The following KCTD3 variants were observed in gnomAD, a reference collection of about 807,000 sequenced individuals.
The protein encoded by KCTD3 is potassium channel tetramerization domain containing 3.
In KCTD3, 41 loss-of-function variants were observed where a neutral mutation model predicts 85.8. That is an observed-to-expected ratio of 0.48 (90% CI 0.37 to 0.62). KCTD3 has a LOEUF of 0.62. Ranked by LOEUF, KCTD3 falls within the 20% of genes least tolerant of loss-of-function variation. The pLI, the probability that KCTD3 is intolerant of heterozygous loss-of-function variation, is 0.00. For missense variants in KCTD3, 724 were observed against 989.9 expected, an observed-to-expected ratio of 0.73 and a Z score of 3.60; for synonymous variants, 338 against 345.4, an observed-to-expected ratio of 0.98 and a Z score of 0.24.
chr1:215,614,018 GTTTT>G (rs577770912), intron 15 of KCTD3, among the ~76,000 whole-genome samples: 5 of 66,290 alleles, frequency 7.5e-5, no homozygotes, highest in African/African-American at 2.5e-4. Flanking sequence ...CTTTAGAATA[GTTTT>G]TTTTTTTTTT....
intron 9 of KCTD3, among the ~76,000 whole-genome samples, chr1:215,587,707 G>C (rs190726944): frequency 1.2e-4 from 19 of 152,120 alleles, no homozygotes; most frequent in Admixed American, 1.2e-3. Flanking sequence ...ATATGTAGTT[G>C]GAAAAAACTT....
intron 12 of KCTD3, among the ~76,000 whole-genome samples, chr1:215,603,546 A>G (rs1654910550): frequency 6.6e-6 from 1 of 152,218 alleles, no homozygotes; most frequent in African/African-American, 2.4e-5. Context: ...GGGTATGTTT[A>G]TTCCCTAGCA....
At chr1:215,592,555 C>G (rs1660264723) in intron 9 of KCTD3, among the ~76,000 whole-genome samples, 1 of 151,946 alleles carries the variant, frequency 6.6e-6, no homozygotes, top group South Asian at 2.1e-4. Flanking sequence ...TTTCCTTTTT[C>G]AAGTAGCTAT....
intron 11 of KCTD3, 64 bp downstream of exon 11, chr1:215,602,018 C>T: frequency 2.1e-6 from 3 of 1,398,436 alleles, no homozygotes; most frequent in Non-Finnish European, 3.0e-6. Flanking sequence ...AACAAGAAAA[C>T]ATTACCTTTC....
Position 215,619,065 on chromosome 1 carries a change from A to G in KCTD3, c.1742A>G (p.Asp581Gly), listed in dbSNP as rs753757515. The change falls in exon 16 of 18, where the codon GAT (aspartate) becomes GGT (glycine). Residue 581 changes from aspartate (D) to glycine (G), a missense_variant. Around this residue, in one of 6 missense-constraint regions of KCTD3, gnomAD observed 136 missense variants for 197.6 expected, o/e 0.69. Transcript: ENST00000259154. ...TAMDMVNKSEDKDVGGPTEEE... is the reference protein window; with the variant it reads ...TAMDMVNKSEGKDVGGPTEEE... ...ATGGATATGGTTAACAAAAGTGAAG[A>G]TAAGGGTAGGTTCTCATACAGAAAG... 12 of 1,611,672 alleles carry G rather than the reference A, an allele frequency of 7.4e-6. No individual in the cohort carries two copies. The Admixed American group carries it at 1.0e-4, about 14-fold the overall frequency.
At chr1:215,581,074 C>T (rs1368552008) in intron 8 of KCTD3, 1 of 392,886 alleles carries the variant, frequency 2.5e-6, no homozygotes, top group Non-Finnish European at 5.0e-6. Context: ...GGTGAAACCC[C>T]ATCTCTACTG....
chr1:215,620,431 G>A lies in KCTD3; in HGVS notation c.2261G>A (p.Arg754Lys). Residue 754 changes from arginine to lysine, a missense_variant, in exon 18 of 18, where the codon AGG (arginine) becomes AAG (lysine). Physicochemically the swap from Arg to Lys is conservative, Grantham distance 26 (BLOSUM62 2). This residue lies in a region of KCTD3 where 222 missense variants were observed against 217.7 expected (regional missense o/e 1.02). Transcript: ENST00000259154. ...EDENENKIEF[R>K]KKGGFEGGGF... ...GAAAATGAAAATAAAATAGAGTTTAGGAAGAAAGGAGGATTTGAAGGGGGA... is the reference window on the plus strand; with the variant it reads ...GAAAATGAAAATAAAATAGAGTTTAAGAAGAAAGGAGGATTTGAAGGGGGA... 2 of 1,613,610 alleles carry A rather than the reference G, an allele frequency of 1.2e-6. No homozygotes were observed. The highest frequency in any genetic ancestry group is 1.7e-6 in the Non-Finnish European group (2 of 1,179,716).
At chr1:215,568,417 C>T (rs1217974027) in intron 1 of KCTD3, among the ~76,000 whole-genome samples, 1 of 145,800 alleles carries the variant, frequency 6.9e-6, no homozygotes. Flanking sequence ...TGGATATTGG[C>T]ACGGTGTGAC....
intron 15 of KCTD3, among the ~76,000 whole-genome samples, chr1:215,617,297 A>G (rs1655492051): frequency 6.6e-6 from 1 of 152,152 alleles, no homozygotes; most frequent in Admixed American, 6.5e-5. Context: ...GGGAACCCTG[A>G]TTTACAGTCA....
At chr1:215,611,995 C>A in intron 15 of KCTD3, 74 bp downstream of exon 15, 1 of 971,906 alleles carries the variant, frequency 1.0e-6, no homozygotes, top group Non-Finnish European at 1.6e-6. Context: ...CATAATTTGA[C>A]ATATTGACCA....
chr1:215,594,262 G>C (rs1267328021), intron 9 of KCTD3, among the ~76,000 whole-genome samples: 1 of 152,190 alleles, frequency 6.6e-6, no homozygotes, highest in African/African-American at 2.4e-5. Context: ...AAGGTACTCT[G>C]AGAGCCAGGA....
intron 1 of KCTD3, among the ~76,000 whole-genome samples, chr1:215,571,709 C>T (rs950343652): frequency 1.3e-5 from 2 of 151,322 alleles, no homozygotes; most frequent in African/African-American, 4.9e-5. Flanking sequence ...CAGCTCACTG[C>T]CAGCTCCACC....
In KCTD3 at chr1:215,619,179, CTACT is replaced by C; in HGVS notation, c.1775_1778del (p.Leu592ProfsTer9). On this transcript the variant is annotated frameshift_variant, in exon 17 of 18. Coordinates refer to ENST00000259154, the MANE Select transcript of KCTD3 (RefSeq NM_016121.5). LOFTEE classifies it high-confidence loss of function. The stretch of plus-strand genomic sequence containing the variant: ...TGTAGGTGGTCCAACCGAAGAAGAG[CTACT>C]CAAATTACTCGATCAATGTGATTTG... 1 of 1,613,912 alleles carries C rather than the reference CTACT, an allele frequency of 6.2e-7. No homozygotes were observed. The highest frequency in any genetic ancestry group is 8.5e-7 in the Non-Finnish European group (1 of 1,179,830).
intron 15 of KCTD3, among the ~76,000 whole-genome samples, chr1:215,614,017 A>G (rs1259235742): frequency 4.0e-5 from 3 of 75,744 alleles, no homozygotes; most frequent in Middle Eastern, 0.01. Flanking sequence ...ACTTTAGAAT[A>G]GTTTTTTTTT....
At chr1:215,576,229 C>T (rs756702176) in intron 4 of KCTD3, among the ~76,000 whole-genome samples, 10 of 151,756 alleles carry the variant, frequency 6.6e-5, no homozygotes, top group African/African-American at 1.9e-4. Flanking sequence ...CCACCATGCC[C>T]GGCTGATTTT....
intron 6 of KCTD3, 78 bp downstream of exon 6, chr1:215,578,159 G>A (rs140073774): frequency 1.4e-5 from 16 of 1,142,706 alleles, no homozygotes; most frequent in Non-Finnish European, 2.5e-6. Context: ...AGGAAAAACT[G>A]CTCCTTGATT....
chr1:215,591,362 C>T (rs1341038648), intron 9 of KCTD3, among the ~76,000 whole-genome samples: 1 of 142,110 alleles, frequency 7.0e-6, no homozygotes, highest in African/African-American at 2.6e-5. Context: ...TTCTCTCTTT[C>T]TTCTCTTTCT....
rs764299346 is a variant in KCTD3, at chr1:215,611,953, A to T, written c.1562+32A>T. 2.9e-6 allele frequency: 4 copies of T among 1,378,548 alleles called. No individual in the cohort carries two copies. In the East Asian group the frequency reaches 6.9e-5, roughly 24 times the overall value. 85.4% of individuals were successfully genotyped at this position (1,378,548 alleles called of 1,614,324 possible). On this transcript the variant is annotated intron_variant, in intron 15 of 17. Transcript: ENST00000259154. Reference sequence around the variant, plus strand: ...CTTTATTGTAAAAATATTTGTATTCAGAAGCCACCTTTTGTCTTACAAAAC... The same window carrying T: ...CTTTATTGTAAAAATATTTGTATTCTGAAGCCACCTTTTGTCTTACAAAAC...
rs1394941110 is a variant in KCTD3 at position 215,577,802 on chromosome 1, A to C, written c.316+74A>C. Reference sequence around the variant, plus strand: ...AAGTTGCCCTAAATGAAATGTGTTTATATCAGGTCCTAATTTTTGATGGAC... The same window carrying C: ...AAGTTGCCCTAAATGAAATGTGTTTCTATCAGGTCCTAATTTTTGATGGAC... On this transcript the variant is annotated intron_variant, in intron 5 of 17. Transcript: ENST00000259154. 8 of 1,293,170 alleles carry C rather than the reference A, an allele frequency of 6.2e-6. No individual in the cohort carries two copies. The African/African-American group carries it at 1.2e-4, about 19-fold the overall frequency. 80.1% of individuals were successfully genotyped at this position (1,293,170 alleles called of 1,614,324 possible). A position where few individuals can be genotyped will look rare whatever the true frequency, so the allele number is the denominator to read the frequency against.
Sources: allele counts gnomAD v4.1 joint callset (sites outside exome capture counted in the v4.1 genomes callset), GRCh38; gene constraint gnomAD v4.1.1; regional missense constraint gnomAD v4.1.1; transcripts MANE v1.5; gene names NCBI Gene and HGNC (gene_info 2026-07-23, HGNC 2026-07-21).